PTPRK: variants seen among roughly 807,000 people sequenced by gnomAD.
The protein encoded by PTPRK is receptor-type tyrosine-protein phosphatase kappa.
PTPRK carries 75 observed loss-of-function variants against 178.0 expected under a neutral mutation model. The observed-to-expected ratio is 0.42, with a 90% CI of 0.35 to 0.51. PTPRK has a LOEUF of 0.51. Among genes scored for constraint, PTPRK ranks in the 20% least tolerant of loss-of-function variants. The probability of loss-of-function intolerance (pLI) is 0.02; values close to 1 mark genes in which losing one functional copy is unlikely to be tolerated. For missense variants in PTPRK, 1,441 were observed against 1,797.8 expected (o/e 0.80, Z 3.59); for synonymous variants, 637 against 620.6 (o/e 1.03, Z -0.39).
intron 1 of PTPRK, among the ~76,000 whole-genome samples, chr6:128,508,904 G>A (rs1166209018): frequency 6.7e-6 from 1 of 150,262 alleles, no homozygotes; most frequent in Non-Finnish European, 1.5e-5. Flanking sequence ...CCAAGATCAT[G>A]CCACTGCACT....
intron 2 of PTPRK, 141 bp from the exon 3 acceptor site, chr6:128,322,451 T>C: frequency 1.3e-6 from 1 of 758,408 alleles, no homozygotes; most frequent in Non-Finnish European, 2.1e-6. Context: ...CAGAAATACA[T>C]CAATCAAATA....
intron 2 of PTPRK, among the ~76,000 whole-genome samples, chr6:128,323,346 CTATT>C (rs1829097287): frequency 2.0e-5 from 3 of 152,026 alleles, no homozygotes; most frequent in Admixed American, 2.0e-4. Flanking sequence ...GCAAATATGC[CTATT>C]TATTACACAG....
At chr6:128,217,355 A>T (rs1318052023) in intron 6 of PTPRK, among the ~76,000 whole-genome samples, 5 of 152,280 alleles carry the variant, frequency 3.3e-5, no homozygotes, top group Admixed American at 1.3e-4. Context: ...AAGTTTTTTT[A>T]AAAAATGAGT....
intron 3 of PTPRK, among the ~76,000 whole-genome samples, chr6:128,271,074 T>C (rs538647795): frequency 6.6e-6 from 1 of 152,022 alleles, no homozygotes; most frequent in African/African-American, 2.4e-5. Flanking sequence ...AAAAAAAGGA[T>C]AGACAAAAGG....
chr6:128,476,562 T>G (rs951633470), intron 1 of PTPRK, among the ~76,000 whole-genome samples: 3 of 152,042 alleles, frequency 2.0e-5, no homozygotes, highest in Non-Finnish European at 2.9e-5. Flanking sequence ...ATAATATGTA[T>G]AAACAATACA....
chr6:128,086,919 CAG>C (rs950123337), intron 8 of PTPRK, among the ~76,000 whole-genome samples: 4 of 151,690 alleles, frequency 2.6e-5, no homozygotes, highest in Admixed American at 6.6e-5. Flanking sequence ...TTATTCAAAA[CAG>C]AGATTAAAAT....
chr6:128,298,151 G>C (rs60098660), intron 3 of PTPRK, among the ~76,000 whole-genome samples: 1 of 151,978 alleles, frequency 6.6e-6, no homozygotes, highest in Non-Finnish European at 1.5e-5. Context: ...TAAATTCCTT[G>C]ACACACACTC....
chr6:128,368,837 T>C (rs899376674), intron 2 of PTPRK, among the ~76,000 whole-genome samples: 2 of 152,004 alleles, frequency 1.3e-5, no homozygotes, highest in Non-Finnish European at 2.9e-5. Context: ...TAGACTACAA[T>C]AATGGTCTTT....
rs7763857 is a variant in PTPRK at position 128,004,658 on chromosome 6, C to G, written c.2494+426G>C. 8.5e-3 allele frequency among the ~76,000 whole-genome samples: 1,298 copies of G among 151,878 alleles called. 21 individuals carry two copies. Among genetic ancestry groups the G allele is most frequent in the African/African-American group, 0.029 (1,219 of 41,480 alleles). On this transcript the variant is annotated intron_variant, in intron 15 of 29. Coordinates refer to ENST00000368226, the MANE Select transcript of PTPRK (RefSeq NM_002844.4). The stretch of plus-strand genomic sequence containing the variant: ...TACTACTTTAATGCAATGATTTTAC[C>G]TATGTCAATAATTCCCAAAAAGAAT...
At chr6:128,240,364 C>T (rs1814186358) in intron 4 of PTPRK, among the ~76,000 whole-genome samples, 1 of 152,140 alleles carries the variant, frequency 6.6e-6, no homozygotes, top group Non-Finnish European at 1.5e-5. Context: ...CTATTACTTA[C>T]TGTTCCATAA....
intron 3 of PTPRK, among the ~76,000 whole-genome samples, chr6:128,257,204 T>C (rs1425372416): frequency 6.8e-6 from 1 of 147,478 alleles, no homozygotes; most frequent in Non-Finnish European, 1.5e-5. Flanking sequence ...CACTCCAGCC[T>C]GGGAGACAGA....
intron 3 of PTPRK, among the ~76,000 whole-genome samples, chr6:128,301,205 T>C (rs140312832): frequency 1.8e-3 from 273 of 152,288 alleles, no homozygotes; most frequent in Middle Eastern, 6.8e-3. Context: ...GCCACAAAAA[T>C]ATAGCAATTT....
chr6:128,367,720 T>C (rs1835714892), intron 2 of PTPRK, among the ~76,000 whole-genome samples: 1 of 152,166 alleles, frequency 6.6e-6, no homozygotes, highest in Admixed American at 6.6e-5. Context: ...TTTCTCCTTC[T>C]AAATTATTTC....
chr6:128,486,179 G>A (rs1852845448), intron 1 of PTPRK, among the ~76,000 whole-genome samples: 1 of 151,568 alleles, frequency 6.6e-6, no homozygotes, highest in East Asian at 1.9e-4. Context: ...TAATAAAAAG[G>A]GGGTGACAGT....
chr6:128,442,766 G>A (rs781228988), intron 1 of PTPRK, among the ~76,000 whole-genome samples: 1 of 152,156 alleles, frequency 6.6e-6, no homozygotes, highest in Non-Finnish European at 1.5e-5. Context: ...AACAACTGAG[G>A]ATAGAGGCAT....
chr6:128,495,002 T>C (rs1584965429), intron 1 of PTPRK, among the ~76,000 whole-genome samples: 1 of 152,240 alleles, frequency 6.6e-6, no homozygotes, highest in African/African-American at 2.4e-5. Context: ...TATGTGTTCA[T>C]TTTCTAAGAC....
intron 3 of PTPRK, among the ~76,000 whole-genome samples, chr6:128,278,471 T>C (rs529274848): frequency 6.5e-4 from 99 of 152,230 alleles, no homozygotes; most frequent in African/African-American, 2.3e-3. Flanking sequence ...TTAATATGTC[T>C]ACATTTCAAT....
chr6:128,400,446 GA>G (rs1432262510), intron 1 of PTPRK, among the ~76,000 whole-genome samples: 1 of 152,032 alleles, frequency 6.6e-6, no homozygotes, highest in Admixed American at 6.6e-5. Context: ...AAGTAAATAC[GA>G]AAAGTTTTAG....
chr6:127,973,265 C>G (rs908257109), intron 28 of PTPRK, 108 bp from the exon 29 acceptor site: 2 of 1,518,146 alleles, frequency 1.3e-6, no homozygotes, highest in African/African-American at 2.8e-5. Flanking sequence ...TAATTGTTTT[C>G]CATTTGTGTC....
Sources: gnomAD v4.1 joint callset for allele counts (sites outside exome capture counted in the v4.1 genomes callset) on GRCh38, gnomAD v4.1.1 for gene constraint, MANE v1.5 for transcripts, NCBI Gene and HGNC (gene_info 2026-07-23, HGNC 2026-07-21) for gene names.